Variants in CCNB3 observed in about 807,000 individuals in gnomAD.
The protein encoded by CCNB3 is cyclin B3, also known as G2/mitotic-specific cyclin-B3.
Under a neutral mutation model 68.0 loss-of-function variants are expected in CCNB3, and 12 were observed. The observed-to-expected ratio is 0.18, with a 90% CI of 0.11 to 0.29. The LOEUF (loss-of-function observed/expected upper bound fraction) is 0.29, where lower values mean the gene tolerates loss of function less well. CCNB3 is among the 10% of genes least tolerant of loss of function. CCNB3 has a pLI of 1.00. For synonymous variants in CCNB3, 354 were observed against 388.9 expected, an observed-to-expected ratio of 0.91 and a Z score of 1.06; for missense variants, 904 against 993.1, an observed-to-expected ratio of 0.91 and a Z score of 1.21.
intron 1 of CCNB3, among the ~76,000 whole-genome samples, chrX:50,280,374 G>GT (rs1301333557): frequency 4.7e-5 from 5 of 105,300 alleles, no homozygotes; most frequent in Non-Finnish European, 9.7e-5. Flanking sequence ...ATTAATAAAT[G>GT]TTTGTTAAAC....
intron 8 of CCNB3, among the ~76,000 whole-genome samples, chrX:50,339,496 G>A (rs1324071867): frequency 1.8e-5 from 2 of 111,934 alleles, no homozygotes; most frequent in African/African-American, 6.5e-5. Flanking sequence ...GTGATTTTGG[G>A]GTCCCAAGAT....
intron 8 of CCNB3, among the ~76,000 whole-genome samples, chrX:50,337,408 A>G (rs901965407): frequency 1.8e-5 from 2 of 110,651 alleles, no homozygotes; most frequent in African/African-American, 6.6e-5. Context: ...TGCTACTAGT[A>G]CTGCTGCTGC....
At chrX:50,335,357 A>G (rs891527951) in intron 8 of CCNB3, among the ~76,000 whole-genome samples, 1 of 111,940 alleles carries the variant, frequency 8.9e-6, no homozygotes, top group Non-Finnish European at 1.9e-5. Flanking sequence ...AGCAGCCCTA[A>G]CAATGTGTAA....
At position 50,297,078 on chromosome X, in the gene CCNB3, T is replaced by C. The variant is rs201611937; in HGVS notation, c.335+2085T>C. On this transcript the variant is annotated intron_variant, in intron 5 of 12. Transcript: ENST00000376042. ...CAAAAATTTTCTCCCATTCTGTAGG[T>C]TTCCTGTTCACTCTGATGGTGGTTT... 7.9e-4 allele frequency among the ~76,000 whole-genome samples: 88 copies of C among 111,547 alleles called. 1 individual carries two copies. Among genetic ancestry groups the C allele is most frequent in the African/African-American group, 2.6e-3 (79 of 30,768 alleles).
intron 4 of CCNB3, among the ~76,000 whole-genome samples, chrX:50,291,297 A>G (rs1285395544): frequency 9.0e-6 from 1 of 111,349 alleles, no homozygotes; most frequent in Non-Finnish European, 1.9e-5. Flanking sequence ...TTTTATTTAT[A>G]TATGTTATTT....
intron 1 of CCNB3, among the ~76,000 whole-genome samples, chrX:50,224,033 T>C (rs940211039): frequency 4.5e-5 from 5 of 111,796 alleles, no homozygotes; most frequent in African/African-American, 1.3e-4. Flanking sequence ...GGTATTGTCT[T>C]TTTTTTCATT....
chrX:50,351,022 G>A lies in CCNB3; in HGVS notation c.3961-219G>A, dbSNP rs781923653. On this transcript the variant is annotated intron_variant, in intron 11 of 12. Coordinates refer to ENST00000376042, the MANE Select transcript of CCNB3 (RefSeq NM_033031.3). ...CCAAGAGCTAATATCTAACTGGTAC[G>A]TATGGATATAGCCATCCCAGTAGTT... Among the ~76,000 whole-genome samples the A allele has an allele frequency of 5.4e-5, 6 of 111,595 alleles. No homozygotes were observed. In the South Asian group the frequency reaches 1.2e-3, roughly 22 times the overall value.
In CCNB3 at chrX:50,347,738, T is replaced by C; in HGVS notation, c.3923T>C (p.Leu1308Ser). The change falls in exon 11 of 13, where the codon TTA (leucine) becomes TCA (serine). Residue 1308 changes from leucine (L) to serine (S), a missense_variant. This residue lies in a region of CCNB3 where 285 missense variants were observed against 383.4 expected (regional missense o/e 0.74). Coordinates refer to ENST00000376042, the MANE Select transcript of CCNB3 (RefSeq NM_033031.3). ...GCTTCCAAGCTAGCTGCTGCCTCCT[T>C]ACTCCTGGCCCTCTACATGAAGAAG... Reference protein sequence around the residue: ...EKASKLAAASLLLALYMKKLG... With the variant: ...EKASKLAAASSLLALYMKKLG... 1 of 1,210,952 alleles carries C rather than the reference T, an allele frequency of 8.3e-7. No homozygotes were observed. Among genetic ancestry groups the C allele is most frequent in the Non-Finnish European group, 1.1e-6 (1 of 895,281 alleles).
At chrX:50,349,524 A>G (rs1241468513) in intron 11 of CCNB3, among the ~76,000 whole-genome samples, 2 of 112,566 alleles carry the variant, frequency 1.8e-5, no homozygotes, top group Non-Finnish European at 1.9e-5. Flanking sequence ...TGGGAACACC[A>G]GTGAGCAGGC....
In CCNB3 at chrX:50,311,583, T is replaced by G. The variant is rs1166270730; in HGVS notation, c.3327+87T>G. On this transcript the variant is annotated intron_variant, in intron 6 of 12. Coordinates refer to ENST00000376042, the MANE Select transcript of CCNB3 (RefSeq NM_033031.3). ...GCTAGCAAAGTTGTTTTTTTTTTTTTGTTTTTGTTTTTTGTTGTTGTTGTT... is the reference window on the plus strand; with the variant it reads ...GCTAGCAAAGTTGTTTTTTTTTTTTGGTTTTTGTTTTTTGTTGTTGTTGTT... The G allele has an allele frequency of 1.9e-5, 14 of 718,812 alleles. No homozygotes were observed. In the African/African-American group the frequency reaches 2.0e-4, roughly 10 times the overall value. 59.2% of individuals were successfully genotyped at this position (718,812 alleles called of 1,213,427 possible).
At chrX:50,215,280 C>T (rs984601383) in intron 1 of CCNB3, among the ~76,000 whole-genome samples, 233 of 111,560 alleles carry the variant, frequency 2.1e-3, no homozygotes, top group African/African-American at 6.5e-3. Flanking sequence ...TGAGCCACCA[C>T]GCCTGGCCCT....
chrX:50,215,218 T>C (rs1008554789), intron 1 of CCNB3, among the ~76,000 whole-genome samples: 2 of 110,014 alleles, frequency 1.8e-5, no homozygotes, highest in Non-Finnish European at 1.9e-5. Context: ...CTGGATCTCC[T>C]GACCTCGTGA....
At chrX:50,291,918 T>C (rs1429227354) in intron 4 of CCNB3, among the ~76,000 whole-genome samples, 1 of 111,758 alleles carries the variant, frequency 8.9e-6, no homozygotes, top group Non-Finnish European at 1.9e-5. Flanking sequence ...CATACTTTTT[T>C]TTCTACATTT....
intron 1 of CCNB3, among the ~76,000 whole-genome samples, chrX:50,226,037 A>C (rs1189167576): frequency 5.5e-5 from 5 of 90,617 alleles, no homozygotes; most frequent in African/African-American, 2.0e-4. Flanking sequence ...TATATATAGA[A>C]TATATATACA....
At chrX:50,227,197 G>C (rs1355151128) in intron 1 of CCNB3, among the ~76,000 whole-genome samples, 1 of 76,630 alleles carries the variant, frequency 1.3e-5, no homozygotes. Flanking sequence ...AATATATATA[G>C]AGAATATATA....
chrX:50,313,169 A>G (rs1557215314), intron 7 of CCNB3, among the ~76,000 whole-genome samples: 1 of 110,901 alleles, frequency 9.0e-6, no homozygotes, highest in Non-Finnish European at 1.9e-5. Flanking sequence ...TCAATTCCAA[A>G]GTTTCTTCTA....
intron 6 of CCNB3, among the ~76,000 whole-genome samples, chrX:50,311,829 C>T (rs1471166103): frequency 9.0e-6 from 1 of 110,881 alleles, no homozygotes; most frequent in African/African-American, 3.3e-5. Flanking sequence ...TGGCCTTGTA[C>T]AATCTCTTGA....
At chrX:50,279,737 T>C (rs1231414369) in intron 1 of CCNB3, among the ~76,000 whole-genome samples, 1 of 90,669 alleles carries the variant, frequency 1.1e-5, no homozygotes, top group African/African-American at 4.0e-5. Flanking sequence ...TATATATGAT[T>C]ATGTATATTC....
intron 3 of CCNB3, 67 bp from the exon 4 acceptor site, chrX:50,288,713 G>A (rs1021601050): frequency 2.6e-6 from 2 of 784,256 alleles, no homozygotes; most frequent in African/African-American, 4.2e-5. Flanking sequence ...GCCCTAAAGA[G>A]GACCCAAAGT....
Sources: gnomAD v4.1 joint callset for allele counts (sites outside exome capture counted in the v4.1 genomes callset) on GRCh38, gnomAD v4.1.1 for gene constraint, gnomAD v4.1.1 regional missense constraint, MANE v1.5 for transcripts, NCBI Gene and HGNC (gene_info 2026-07-23, HGNC 2026-07-21) for gene names.